The following DNER variants were observed in gnomAD, a reference collection of about 807,000 sequenced individuals.
DNER encodes delta/notch like EGF repeat containing, also known as delta and Notch-like epidermal growth factor-related receptor.
In DNER, 33 loss-of-function variants were observed where a neutral mutation model predicts 78.2. That is an observed-to-expected ratio of 0.42 (90% CI 0.32 to 0.56). DNER has a LOEUF of 0.56. Ranked by LOEUF, DNER falls within the 20% of genes least tolerant of loss-of-function variation. The pLI is 0.11. For synonymous variants in DNER, 417 were observed against 384.8 expected (o/e 1.08, Z -0.98); for missense variants, 918 against 975.3 (o/e 0.94, Z 0.78).
intron 5 of DNER, among the ~76,000 whole-genome samples, chr2:229,538,753 G>C (rs1343719101): frequency 6.6e-6 from 1 of 151,986 alleles, no homozygotes; most frequent in Non-Finnish European, 1.5e-5. Flanking sequence ...TGGTCAGGCT[G>C]GTCTCAAACT....
intron 5 of DNER, among the ~76,000 whole-genome samples, chr2:229,531,246 T>C (rs978472569): frequency 6.6e-6 from 1 of 152,196 alleles, no homozygotes; most frequent in Non-Finnish European, 1.5e-5. Flanking sequence ...CCAGGAGTGC[T>C]GCTCTCAATC....
intron 5 of DNER, among the ~76,000 whole-genome samples, chr2:229,518,454 G>C (rs938575637): frequency 5.9e-5 from 9 of 152,240 alleles, no homozygotes; most frequent in Non-Finnish European, 4.4e-5. Flanking sequence ...GTCACATTGT[G>C]TAAGTGCTAT....
chr2:229,387,621 G>A (rs966787315), intron 11 of DNER, among the ~76,000 whole-genome samples: 1 of 152,098 alleles, frequency 6.6e-6, no homozygotes, highest in Non-Finnish European at 1.5e-5. Flanking sequence ...TCGATTCCAT[G>A]TTAGTTCTCA....
chr2:229,498,649 A>G (rs1695548120), intron 6 of DNER, among the ~76,000 whole-genome samples: 1 of 152,220 alleles, frequency 6.6e-6, no homozygotes, highest in South Asian at 2.1e-4. Context: ...TAAATGAAGT[A>G]AACAGTTTTC....
chr2:229,568,707 G>A (rs1697157369), intron 4 of DNER, among the ~76,000 whole-genome samples: 1 of 151,960 alleles, frequency 6.6e-6, no homozygotes, highest in Non-Finnish European at 1.5e-5. Context: ...AATGCTCCAA[G>A]CTATACGTTT....
At chr2:229,517,222 T>C (rs1396291343) in intron 5 of DNER, among the ~76,000 whole-genome samples, 1 of 152,096 alleles carries the variant, frequency 6.6e-6, no homozygotes, top group Non-Finnish European at 1.5e-5. Flanking sequence ...ATTAAGCATA[T>C]ACTATGTGCC....
At chr2:229,443,466 C>T (rs535143081) in intron 8 of DNER, among the ~76,000 whole-genome samples, 2 of 152,318 alleles carry the variant, frequency 1.3e-5, no homozygotes, top group South Asian at 4.1e-4. Context: ...AACGGGTAGC[C>T]TATCACTTAA....
chr2:229,659,369 G>A (rs183083269), intron 1 of DNER, among the ~76,000 whole-genome samples: 34 of 152,200 alleles, frequency 2.2e-4, no homozygotes, highest in African/African-American at 7.2e-4. Context: ...TAGCAAGCAA[G>A]TCCCCAACTC....
chr2:229,370,353 C>T (rs190671896), intron 11 of DNER, among the ~76,000 whole-genome samples: 29 of 152,264 alleles, frequency 1.9e-4, no homozygotes, highest in Non-Finnish European at 3.1e-4. Context: ...TCACCAAAAC[C>T]TTTGAAGCCT....
intron 11 of DNER, among the ~76,000 whole-genome samples, chr2:229,368,170 C>G (rs935316083): frequency 3.3e-5 from 5 of 152,064 alleles, no homozygotes. Flanking sequence ...TGAGACCAGC[C>G]TGAGCAGTAT....
intron 1 of DNER, among the ~76,000 whole-genome samples, chr2:229,712,515 T>G (rs1200812808): frequency 6.6e-6 from 1 of 152,182 alleles, no homozygotes; most frequent in South Asian, 2.1e-4. Context: ...CAACTATTTC[T>G]TTGAAGGATA....
At chr2:229,468,935 T>C (rs927675351) in intron 7 of DNER, among the ~76,000 whole-genome samples, 3 of 152,148 alleles carry the variant, frequency 2.0e-5, no homozygotes, top group African/African-American at 7.2e-5. Context: ...GCACTGGAAG[T>C]AACCAGATGA....
intron 7 of DNER, among the ~76,000 whole-genome samples, chr2:229,458,172 AGAATAGGGAAAGATACATTGTG>A (rs1694616897): frequency 6.7e-6 from 1 of 149,656 alleles, no homozygotes; most frequent in Non-Finnish European, 1.5e-5. Context: ...GGAAAGTAAA[AGAATAGGGAAAGATACATTGTG>A]AAAAAGAAAG....
intron 1 of DNER, among the ~76,000 whole-genome samples, chr2:229,696,153 C>T (rs1447662639): frequency 6.6e-6 from 1 of 152,198 alleles, no homozygotes; most frequent in Non-Finnish European, 1.5e-5. Flanking sequence ...CCTGCTTTGG[C>T]TCATCAAGCA....
At chr2:229,586,508 TAAAAAAAAAAAAAAAAAAAAAAAAAAA>T (rs555047737) in intron 3 of DNER, among the ~76,000 whole-genome samples, 52 of 13,490 alleles carry the variant, frequency 3.9e-3, no homozygotes, top group Admixed American at 0.014. Context: ...TCATTTTTGG[TAAAAAAAAAAAAAAAAAAAAAAAAAAA>T]AAAAAAAAAA....
intron 9 of DNER, among the ~76,000 whole-genome samples, chr2:229,409,216 G>C (rs1005912288): frequency 1.3e-5 from 2 of 152,146 alleles, no homozygotes; most frequent in African/African-American, 2.4e-5. Context: ...ATAAAAAGCA[G>C]AAGAGTCTTT....
intron 8 of DNER, among the ~76,000 whole-genome samples, chr2:229,424,894 A>C (rs1289801115): frequency 6.6e-6 from 1 of 152,132 alleles, no homozygotes. Flanking sequence ...AGATTCCAAT[A>C]ATACCATCCT....
intron 7 of DNER, among the ~76,000 whole-genome samples, chr2:229,454,674 A>G (rs894850070): frequency 2.0e-5 from 3 of 151,820 alleles, no homozygotes; most frequent in African/African-American, 7.3e-5. Context: ...AAATGCTTGT[A>G]GAATTGAATA....
At chr2:229,620,550 C>T (rs1257160878) in intron 1 of DNER, among the ~76,000 whole-genome samples, 1 of 152,232 alleles carries the variant, frequency 6.6e-6, no homozygotes, top group Non-Finnish European at 1.5e-5. Context: ...AAGCAGCCCT[C>T]TGCGGTTTGG....
Sources: allele counts gnomAD v4.1 joint callset (sites outside exome capture counted in the v4.1 genomes callset), GRCh38; gene constraint gnomAD v4.1.1; transcripts MANE v1.5; gene names NCBI Gene and HGNC (gene_info 2026-07-23, HGNC 2026-07-21).